Variants in DYNC2LI1 observed in about 807,000 individuals in gnomAD.
DYNC2LI1 encodes dynein cytoplasmic 2 light intermediate chain 1.
A neutral mutation model predicts 51.9 loss-of-function variants in DYNC2LI1; 45 were observed. That is an observed-to-expected ratio of 0.87 (90% CI 0.68 to 1.11). The LOEUF is 1.11. DYNC2LI1 is among the 50% of genes most tolerant of loss of function. DYNC2LI1 has a pLI of 0.00. For missense variants in DYNC2LI1, 490 were observed against 417.4 expected, an observed-to-expected ratio of 1.17 and a Z score of -1.51; for synonymous variants, 130 against 137.8, an observed-to-expected ratio of 0.94 and a Z score of 0.40.
chr2:43,819,847 A>C, the DYNC2LI1 span: 1 of 1,529,902 alleles, frequency 6.5e-7, no homozygotes, highest in South Asian at 1.1e-5. Context: ...CCTTTACTTC[A>C]GTCATTATTA....
In DYNC2LI1 at chr2:43,809,805, C is replaced by T. The variant is rs1257738403; in HGVS notation, c.*38C>T. On this transcript the variant is annotated 3_prime_UTR_variant, in exon 13 of 13. Coordinates refer to ENST00000260605, the MANE Select transcript of DYNC2LI1 (RefSeq NM_016008.4). ...TATTGTATATTTATTTCTTCTTTTC[C>T]AAATACAAATAAGATTATACTGTGA... The T allele has an allele frequency of 6.4e-7, 1 of 1,569,716 alleles. No homozygotes were observed. Among genetic ancestry groups the T allele is most frequent in the East Asian group, 2.3e-5 (1 of 43,262 alleles).
chr2:43,804,848 C>T, intron 11 of DYNC2LI1, 109 bp downstream of exon 11: 1 of 625,312 alleles, frequency 1.6e-6, no homozygotes, highest in Non-Finnish European at 2.6e-6. Context: ...CTTTTATGCT[C>T]AAAAATCAAT....
chr2:43,800,159 T>A (rs78505953), intron 8 of DYNC2LI1, among the ~76,000 whole-genome samples: 2,060 of 152,322 alleles, frequency 0.014, 58 homozygotes, highest in African/African-American at 0.046. Flanking sequence ...TTTAAAGATC[T>A]GTAGGGTAAC....
chr2:43,808,551 TC>T (rs1666356502), intron 12 of DYNC2LI1, among the ~76,000 whole-genome samples: 1 of 152,210 alleles, frequency 6.6e-6, no homozygotes, highest in Non-Finnish European at 1.5e-5. Flanking sequence ...CCAAGAGGCA[TC>T]CCCTTAGATG....
intron 12 of DYNC2LI1, among the ~76,000 whole-genome samples, chr2:43,807,860 C>G (rs1666326677): frequency 6.8e-6 from 1 of 147,422 alleles, no homozygotes; most frequent in Non-Finnish European, 1.5e-5. Flanking sequence ...TTTAAAACAT[C>G]AATGCATTAT....
At chr2:43,824,353 G>C in the DYNC2LI1 span, 7 of 1,614,084 alleles carry the variant, frequency 4.3e-6, no homozygotes, top group East Asian at 1.6e-4. Flanking sequence ...ATTTCTTGTA[G>C]GCAGATTCTA....
the DYNC2LI1 span, among the ~76,000 whole-genome samples, chr2:43,817,954 C>T: frequency 6.6e-6 from 1 of 152,118 alleles, no homozygotes; most frequent in Middle Eastern, 3.4e-3. Flanking sequence ...ACACCTAGCC[C>T]ACCAAACATT....
intron 6 of DYNC2LI1, 32 bp from the exon 7 acceptor site, chr2:43,795,858 A>T: frequency 6.4e-7 from 1 of 1,566,494 alleles, no homozygotes; most frequent in Non-Finnish European, 8.8e-7. Context: ...ATAAAGAATT[A>T]CAACAACTCA....
downstream of DYNC2LI1, among the ~76,000 whole-genome samples, chr2:43,811,855 A>G (rs931808378): frequency 1.3e-5 from 2 of 152,080 alleles, no homozygotes; most frequent in Non-Finnish European, 2.9e-5. Context: ...CGGCCTCCCA[A>G]AGTGCTGGGA....
the DYNC2LI1 span, among the ~76,000 whole-genome samples, chr2:43,822,079 A>AT: frequency 6.6e-6 from 1 of 152,112 alleles, no homozygotes; most frequent in Non-Finnish European, 1.5e-5. Flanking sequence ...TAAAATAACC[A>AT]TTTTTTGAAC....
chr2:43,822,774 G>A, the DYNC2LI1 span: 1 of 1,614,058 alleles, frequency 6.2e-7, no homozygotes, highest in Non-Finnish European at 8.5e-7. Flanking sequence ...GCCCGGCCCT[G>A]GGTGAACTGA....
In DYNC2LI1 at chr2:43,809,966, G is replaced by T. The variant is rs773766431; in HGVS notation, c.*199G>T. 3.9e-6 allele frequency: 5 copies of T among 1,280,616 alleles called. No homozygotes were observed. The highest frequency in any genetic ancestry group is 5.0e-6 in the Non-Finnish European group (5 of 1,002,326). 79.3% of individuals were successfully genotyped at this position (1,280,616 alleles called of 1,614,324 possible). ...AGGAAAAATTATTGTAGAACCACGT[G>T]TAATTTTTTTTAAAATAAAAGAATC... On this transcript the variant is annotated 3_prime_UTR_variant, in exon 13 of 13. Transcript: ENST00000260605.
downstream of DYNC2LI1, chr2:43,814,690 T>C (rs1350961283): frequency 8.8e-6 from 6 of 684,552 alleles, no homozygotes; most frequent in East Asian, 1.6e-4. Context: ...AGGAATATAG[T>C]TTTCTATCTC....
Position 43,787,162 on chromosome 2 carries a change from A to G in DYNC2LI1, c.162-19A>G, listed in dbSNP as rs3765000. On this transcript the variant is annotated intron_variant, in intron 3 of 12. Coordinates refer to ENST00000260605, the MANE Select transcript of DYNC2LI1 (RefSeq NM_016008.4). The stretch of plus-strand genomic sequence containing the variant: ...TAATACCACCTACAATGATAATACT[A>G]TCGGCCTTTATTATACAGAGATGAA... The G allele has an allele frequency of 0.09, 143,434 of 1,586,156 alleles. 8,739 individuals are homozygous for G. The highest frequency in any genetic ancestry group is 0.28 in the Admixed American group (16,953 of 59,680).
chr2:43,824,744 C>A, the DYNC2LI1 span: 1 of 1,449,650 alleles, frequency 6.9e-7, no homozygotes, highest in Non-Finnish European at 9.3e-7. Flanking sequence ...GTTCATTGAC[C>A]CGGCCAAATT....
chr2:43,824,368 C>G, the DYNC2LI1 span: 4 of 1,614,056 alleles, frequency 2.5e-6, no homozygotes, highest in Non-Finnish European at 3.4e-6. Context: ...ATTCTATCAT[C>G]TGGACTCTCT....
chr2:43,824,439 GT>G, the DYNC2LI1 span: 2 of 1,613,228 alleles, frequency 1.2e-6, no homozygotes, highest in Admixed American at 1.7e-5. Context: ...TCCACTAAAA[GT>G]TTTTCCCAAA....
intron 12 of DYNC2LI1, among the ~76,000 whole-genome samples, chr2:43,806,091 C>T (rs1666244970): frequency 1.3e-5 from 2 of 152,024 alleles, no homozygotes; most frequent in Non-Finnish European, 2.9e-5. Context: ...ACCATCTTGG[C>T]CAGGCTGGTC....
At chr2:43,817,046 G>C in the DYNC2LI1 span, among the ~76,000 whole-genome samples, 1 of 152,218 alleles carries the variant, frequency 6.6e-6, no homozygotes, top group East Asian at 1.9e-4. Context: ...TGGGTAAATG[G>C]AATGACTAGC....
Sources: gnomAD v4.1 joint callset for allele counts (sites outside exome capture counted in the v4.1 genomes callset) on GRCh38, gnomAD v4.1.1 for gene constraint, MANE v1.5 for transcripts, NCBI Gene and HGNC (gene_info 2026-07-23, HGNC 2026-07-21) for gene names.